The following DNAH5 variants were observed in gnomAD, a reference collection of about 807,000 sequenced individuals.
The protein encoded by DNAH5 is dynein axonemal heavy chain 5, also known as axonemal beta dynein heavy chain 5.
A neutral mutation model predicts 518.2 loss-of-function variants in DNAH5; 372 were observed. The ratio of observed to expected loss-of-function variants is 0.72; its 90% CI spans 0.66 to 0.78. DNAH5 has a LOEUF of 0.78. Ranked by LOEUF, DNAH5 falls within the 30% of genes least tolerant of loss-of-function variation. The pLI is 0.00. For missense variants in DNAH5, 5,523 were observed against 5,687.0 expected (o/e 0.97, Z 0.93); for synonymous variants, 2,039 against 2,025.9 (o/e 1.01, Z -0.17).
chr5:14,001,618 C>T (rs1784357715), intron 1 of DNAH5, among the ~76,000 whole-genome samples: 1 of 151,938 alleles, frequency 6.6e-6, no homozygotes, highest in Non-Finnish European at 1.5e-5. Flanking sequence ...CCGCCTCAGC[C>T]TCCCAAAGTG....
At chr5:13,917,355 C>A in intron 7 of DNAH5, 99 bp from the exon 8 acceptor site, 1 of 839,728 alleles carries the variant, frequency 1.2e-6, no homozygotes, top group South Asian at 1.4e-5. Context: ...TTAGGCGAGA[C>A]CTTCTGTCCA....
At chr5:13,874,983 A>G (rs1770672018) in intron 22 of DNAH5, among the ~76,000 whole-genome samples, 1 of 152,198 alleles carries the variant, frequency 6.6e-6, no homozygotes, top group South Asian at 2.1e-4. Context: ...AGAAAGGTCT[A>G]TGGCTGTGGA....
intron 15 of DNAH5, chr5:13,899,949 C>T (rs1016876266): frequency 2.0e-5 from 10 of 493,794 alleles, no homozygotes; most frequent in Non-Finnish European, 3.6e-5. Context: ...GAGATCGTGC[C>T]TTTTTCAGTG....
chr5:13,830,129 A>ATT lies in DNAH5; in HGVS notation c.6144_6145dup (p.Ile2049LysfsTer6). On this transcript the variant is annotated frameshift_variant, in exon 37 of 79. Coordinates refer to ENST00000265104, the MANE Select transcript of DNAH5 (RefSeq NM_001369.3). LOFTEE classifies it high-confidence loss of function. Reference sequence around the variant, plus strand: ...CTTTTTACATGTCAGAATAATGGAAATTTGCTGGGCTGCAACCGAGAGAAC... The same window carrying ATT: ...CTTTTTACATGTCAGAATAATGGAAATTTTTGCTGGGCTGCAACCGAGAGAAC... The ATT allele has an allele frequency of 6.2e-7, 1 of 1,614,092 alleles. No individual in the cohort carries two copies. The highest frequency in any genetic ancestry group is 1.3e-5 in the African/African-American group (1 of 75,056).
chr5:13,945,402 T>A (rs1779829779), upstream of DNAH5, among the ~76,000 whole-genome samples: 1 of 152,164 alleles, frequency 6.6e-6, no homozygotes, highest in Non-Finnish European at 1.5e-5. Context: ...CCTGGTAACA[T>A]CCTGCTAGTC....
intron 35 of DNAH5, among the ~76,000 whole-genome samples, chr5:13,831,947 A>G (rs532991452): frequency 6.6e-6 from 1 of 152,256 alleles, no homozygotes; most frequent in African/African-American, 2.4e-5. Flanking sequence ...TTTTCTCAGG[A>G]CTGCGGCAGG....
chr5:13,972,163 C>T (rs571675213), intron 1 of DNAH5, among the ~76,000 whole-genome samples: 2 of 152,296 alleles, frequency 1.3e-5, no homozygotes, highest in South Asian at 2.1e-4. Context: ...AGTCTCACTC[C>T]TACCGTGGGC....
At chr5:13,988,746 G>T (rs1783254373) in intron 1 of DNAH5, among the ~76,000 whole-genome samples, 1 of 63,690 alleles carries the variant, frequency 1.6e-5, no homozygotes, top group African/African-American at 6.1e-5. Flanking sequence ...TTTTGAGACA[G>T]AGTCTTACTC....
rs993678457 is a variant in DNAH5 at position 13,699,452 on chromosome 5, G to A, written c.13723+1188C>T. Among the ~76,000 whole-genome samples, 38 of 152,152 alleles carry A rather than the reference G, an allele frequency of 2.5e-4. 1 individual carries two copies. Among genetic ancestry groups the A allele is most frequent in the African/African-American group, 2.4e-5 (1 of 41,438 alleles). On this transcript the variant is annotated intron_variant, in intron 78 of 78. Coordinates refer to ENST00000265104, the MANE Select transcript of DNAH5 (RefSeq NM_001369.3). The stretch of plus-strand genomic sequence containing the variant: ...CTTGGGGCCGGGCATGGTGGCTCAC[G>A]CCTATAATCCTAGCACTTTGGGAGG...
chr5:13,788,604 A>C, intron 51 of DNAH5, 112 bp downstream of exon 51: 1 of 892,782 alleles, frequency 1.1e-6, no homozygotes, highest in Non-Finnish European at 1.9e-6. Flanking sequence ...GGCTTGTATC[A>C]ATAAAGTTTA....
At chr5:13,883,187 T>C (rs891330462) in intron 19 of DNAH5, 93 bp from the exon 20 acceptor site, 4 of 1,270,960 alleles carry the variant, frequency 3.1e-6, no homozygotes, top group Admixed American at 1.9e-5. Context: ...CAATACATAA[T>C]AGGTATAAAA....
At position 13,753,499 on chromosome 5, in the gene DNAH5, G is replaced by T. The variant is rs1203056649; in HGVS notation, c.10606C>A (p.Gln3536Lys). 1 of 1,613,938 alleles carries T rather than the reference G, an allele frequency of 6.2e-7. No individual in the cohort carries two copies. The highest frequency in any genetic ancestry group is 8.5e-7 in the Non-Finnish European group (1 of 1,179,946). The change falls in exon 63 of 79, where the codon CAA (glutamine) becomes AAA (lysine). Residue 3536 changes from glutamine to lysine, a missense_variant. Coordinates refer to ENST00000265104, the MANE Select transcript of DNAH5 (RefSeq NM_001369.3). ...AFLSYSGPFNQEFRDLLLNDW... is the reference protein window; with the variant it reads ...AFLSYSGPFNKEFRDLLLNDW... The stretch of plus-strand genomic sequence containing the variant: ...TTTAACAGAAGATCACGAAACTCTT[G>T]GTTAAATGGACCAGAATAAGATAGA...
intron 65 of DNAH5, among the ~76,000 whole-genome samples, chr5:13,737,770 A>C (rs1448875280): frequency 6.6e-6 from 1 of 150,838 alleles, no homozygotes; most frequent in Non-Finnish European, 1.5e-5. Flanking sequence ...ACTAAAATAC[A>C]AAAAAAAATA....
At chr5:13,833,381 G>C (rs1179942804) in intron 35 of DNAH5, among the ~76,000 whole-genome samples, 4 of 151,164 alleles carry the variant, frequency 2.6e-5, no homozygotes, top group Non-Finnish European at 5.9e-5. Context: ...AGAGGTTGCA[G>C]TGAGCCGAGA....
At chr5:13,981,247 C>G (rs1160289079) in intron 1 of DNAH5, among the ~76,000 whole-genome samples, 1 of 152,146 alleles carries the variant, frequency 6.6e-6, no homozygotes, top group South Asian at 2.1e-4. Context: ...GAGTGAAAAT[C>G]CAGATGATTC....
chr5:13,986,733 T>A (rs911293689), intron 1 of DNAH5, among the ~76,000 whole-genome samples: 1 of 152,298 alleles, frequency 6.6e-6, no homozygotes, highest in African/African-American at 2.4e-5. Context: ...TTCACTGCTT[T>A]AGTAGGTATA....
At position 13,793,982 on chromosome 5, in the gene DNAH5, AAAAC is replaced by A; in HGVS notation, c.7960_7963del (p.Val2654LeufsTer5). 6.2e-7 allele frequency: 1 copy of A among 1,614,156 alleles called. No homozygotes were observed. The highest frequency in any genetic ancestry group is 8.5e-7 in the Non-Finnish European group (1 of 1,179,996). On this transcript the variant is annotated frameshift_variant, in exon 48 of 79. Coordinates refer to ENST00000265104, the MANE Select transcript of DNAH5 (RefSeq NM_001369.3). LOFTEE classifies it high-confidence loss of function. Reference sequence around the variant, plus strand: ...TATTGGCATATTCACATCATCAATAAAAACAGTCATCTTCTTTCCCGCAGGAGGG... The same window carrying A: ...TATTGGCATATTCACATCATCAATAAAGTCATCTTCTTTCCCGCAGGAGGG...
intron 53 of DNAH5, among the ~76,000 whole-genome samples, chr5:13,778,020 C>T (rs989404144): frequency 1.3e-5 from 2 of 152,164 alleles, no homozygotes; most frequent in South Asian, 4.2e-4. Context: ...CTACATTATG[C>T]CAAAAGTATA....
intron 3 of DNAH5, among the ~76,000 whole-genome samples, chr5:13,926,279 C>A (rs185511829): frequency 3.7e-4 from 57 of 152,318 alleles, no homozygotes; most frequent in Admixed American, 2.1e-3. Context: ...CAGCCTGTCA[C>A]CTCGGGAGAA....
Sources: allele counts gnomAD v4.1 joint callset (sites outside exome capture counted in the v4.1 genomes callset), GRCh38; gene constraint gnomAD v4.1.1; transcripts MANE v1.5; gene names NCBI Gene and HGNC (gene_info 2026-07-23, HGNC 2026-07-21).